The following EPHA3 variants were observed in gnomAD, a reference collection of about 807,000 sequenced individuals.
EPHA3 encodes EPH receptor A3, also known as ephrin type-A receptor 3.
A neutral mutation model predicts 107.1 loss-of-function variants in EPHA3; 42 were observed. That is an observed-to-expected ratio of 0.39 (90% confidence interval 0.31 to 0.51). The LOEUF is 0.51. EPHA3 is among the 20% of genes least tolerant of loss of function. The pLI is 0.78. For missense variants in EPHA3, 1,183 were observed against 1,211.2 expected (o/e 0.98, Z 0.35); for synonymous variants, 461 against 424.8 (o/e 1.09, Z -1.05).
intron 2 of EPHA3, among the ~76,000 whole-genome samples, chr3:89,185,134 A>T (rs546807216): frequency 1.6e-3 from 238 of 152,174 alleles, no homozygotes; most frequent in African/African-American, 5.5e-3. Flanking sequence ...ACCTAGAAAC[A>T]TTATGTTGTT....
intron 3 of EPHA3, among the ~76,000 whole-genome samples, chr3:89,339,763 A>G (rs13081450): frequency 0.15 from 23,429 of 152,250 alleles, 2,022 homozygotes; most frequent in Middle Eastern, 0.25. Context: ...AGAAAATTCT[A>G]GAATGTAATG....
intron 3 of EPHA3, among the ~76,000 whole-genome samples, chr3:89,256,023 C>T (rs1372647183): frequency 2.0e-5 from 3 of 152,048 alleles, no homozygotes; most frequent in African/African-American, 7.2e-5. Flanking sequence ...GTCAGGAGTT[C>T]GAGACCAGTC....
rs1480670631 is a variant in EPHA3 at position 89,107,800 on chromosome 3, A to C, written c.52A>C (p.Ser18Arg). 6 of 1,614,068 alleles carry C rather than the reference A, an allele frequency of 3.7e-6. No homozygotes were observed. The highest frequency in any genetic ancestry group is 1.7e-5 in the Admixed American group (1 of 60,010). ...LLLLSCSVLD[S>R]FGELIPQPSN... is the part of the protein sequence containing the mutation. ...CCTTCTCAGCTGCTCTGTTCTCGAC[A>C]GCTTCGGGGAACTGATTCCGCAGCC... is the stretch of plus-strand genomic sequence containing the variant. The change falls in exon 1 of 17, where the codon AGC (serine) becomes CGC (arginine). Residue 18 changes from serine to arginine, a missense_variant. By Grantham distance (110) the Ser-to-Arg change is moderately radical. Coordinates refer to ENST00000336596, the MANE Select transcript of EPHA3 (RefSeq NM_005233.6).
Position 89,282,522 on chromosome 3 carries a change from A to T in EPHA3, c.815-58394A>T, listed in dbSNP as rs189234917. On this transcript the variant is annotated intron_variant, in intron 3 of 16. Coordinates refer to ENST00000336596, the MANE Select transcript of EPHA3 (RefSeq NM_005233.6). The stretch of plus-strand genomic sequence containing the variant: ...TTCCACTTCCATCATCTTCCTACAC[A>T]TGGAAGAGCAAACCTCCATTATCTA... Among the ~76,000 whole-genome samples the T allele has an allele frequency of 1.3e-3, 193 of 152,080 alleles. 1 individual carries two copies. Among genetic ancestry groups the T allele is most frequent in the African/African-American group, 4.2e-3 (176 of 41,486 alleles).
chr3:89,202,419 G>A (rs1705988967), intron 2 of EPHA3, among the ~76,000 whole-genome samples: 1 of 150,566 alleles, frequency 6.6e-6, no homozygotes, highest in Non-Finnish European at 1.5e-5. Flanking sequence ...CGGTGACTGA[G>A]GCAGGAGAAT....
rs1403602308 is a variant in EPHA3, at chr3:89,242,239, C to A, written c.814+31719C>A. On this transcript the variant is annotated intron_variant, in intron 3 of 16. Transcript: ENST00000336596. ...CTGTAATTCTACAGAGACAATCATT[C>A]CCACTGCAGGTTAAAATCCATAGAC... Among the ~76,000 whole-genome samples the A allele has an allele frequency of 2.0e-5, 3 of 152,278 alleles. No individual in the cohort carries two copies. In the East Asian group the frequency reaches 5.8e-4, roughly 29 times the overall value.
chr3:89,386,085 C>T (rs1484313534), intron 5 of EPHA3, among the ~76,000 whole-genome samples: 1 of 152,066 alleles, frequency 6.6e-6, no homozygotes, highest in Non-Finnish European at 1.5e-5. Context: ...AGTAGCACAA[C>T]ATTCAAGAGG....
At chr3:89,379,712 A>G (rs1708464851) in intron 5 of EPHA3, among the ~76,000 whole-genome samples, 1 of 152,208 alleles carries the variant, frequency 6.6e-6, no homozygotes, top group Non-Finnish European at 1.5e-5. Flanking sequence ...TCTCAGAAAG[A>G]TTTCATGGTA....
intron 10 of EPHA3, among the ~76,000 whole-genome samples, chr3:89,418,156 A>G (rs1709284463): frequency 6.6e-6 from 1 of 151,418 alleles, no homozygotes; most frequent in Admixed American, 6.6e-5. Flanking sequence ...TTATGATTCC[A>G]CTCCATCAAG....
chr3:89,226,209 T>C (rs373546997), intron 3 of EPHA3, among the ~76,000 whole-genome samples: 1 of 152,266 alleles, frequency 6.6e-6, no homozygotes, highest in East Asian at 1.9e-4. Flanking sequence ...GGACAAACTA[T>C]GTAACCATTC....
chr3:89,209,802 T>C, intron 2 of EPHA3, 58 bp from the exon 3 acceptor site: 1 of 1,401,186 alleles, frequency 7.1e-7, no homozygotes, highest in East Asian at 2.3e-5. Flanking sequence ...CACCCTTATG[T>C]TGTATTCGTT....
chr3:89,377,609 G>A (rs577991353), intron 5 of EPHA3, among the ~76,000 whole-genome samples: 17 of 152,224 alleles, frequency 1.1e-4, no homozygotes, highest in African/African-American at 4.1e-4. Context: ...ACCAGACTTT[G>A]TAAACTTCAA....
intron 2 of EPHA3, among the ~76,000 whole-genome samples, chr3:89,144,759 T>C (rs1298073154): frequency 6.6e-6 from 1 of 151,718 alleles, no homozygotes; most frequent in Non-Finnish European, 1.5e-5. Flanking sequence ...GGTTTGATTC[T>C]TTTTACAGTA....
intron 3 of EPHA3, among the ~76,000 whole-genome samples, chr3:89,271,411 GT>G (rs1279339981): frequency 6.6e-6 from 1 of 151,818 alleles, no homozygotes; most frequent in Non-Finnish European, 1.5e-5. Flanking sequence ...TTTTTCTAAT[GT>G]TTTTTTAATG....
intron 5 of EPHA3, among the ~76,000 whole-genome samples, chr3:89,392,559 T>C (rs114761091): frequency 0.016 from 2,436 of 152,264 alleles, 69 homozygotes; most frequent in African/African-American, 0.055. Flanking sequence ...CCTGTAGCTC[T>C]CAGCATTTTT....
chr3:89,230,452 T>C (rs1428836930), intron 3 of EPHA3, among the ~76,000 whole-genome samples: 1 of 152,128 alleles, frequency 6.6e-6, no homozygotes, highest in Admixed American at 6.6e-5. Flanking sequence ...AGACATTGTA[T>C]GTGGAGTGAG....
intron 3 of EPHA3, among the ~76,000 whole-genome samples, chr3:89,246,804 CT>C (rs569259555): frequency 8.6e-5 from 13 of 151,374 alleles, no homozygotes; most frequent in Non-Finnish European, 1.5e-4. Context: ...TTATTTAAAT[CT>C]TTTTTTTTAT....
chr3:89,444,584 T>C (rs1278316573), intron 13 of EPHA3, among the ~76,000 whole-genome samples: 5 of 152,136 alleles, frequency 3.3e-5, no homozygotes, highest in Non-Finnish European at 7.4e-5. Flanking sequence ...CATCTTTTAA[T>C]AAATTTGTTA....
intron 3 of EPHA3, among the ~76,000 whole-genome samples, chr3:89,295,543 A>G (rs1432903280): frequency 2.0e-5 from 3 of 152,186 alleles, no homozygotes; most frequent in African/African-American, 4.8e-5. Flanking sequence ...CTTCTGGTTT[A>G]TCAACTAAGT....
Sources: gnomAD v4.1 joint callset for allele counts (sites outside exome capture counted in the v4.1 genomes callset) on GRCh38, gnomAD v4.1.1 for gene constraint, MANE v1.5 for transcripts, NCBI Gene and HGNC (gene_info 2026-07-23, HGNC 2026-07-21) for gene names.